DCAF1: variants seen among roughly 807,000 people sequenced by gnomAD.
DCAF1 encodes the protein DDB1- and CUL4-associated factor 1.
A neutral mutation model predicts 128.0 loss-of-function variants in DCAF1; 15 were observed. The ratio of observed to expected loss-of-function variants is 0.12; its 90% CI spans 0.08 to 0.18. The LOEUF (loss-of-function observed/expected upper bound fraction) is 0.18. Ranked by LOEUF, DCAF1 falls within the 10% of genes least tolerant of loss-of-function variation. The pLI, the probability that DCAF1 is intolerant of heterozygous loss-of-function variation, is 1.00. For synonymous variants in DCAF1, 610 were observed against 603.0 expected (o/e 1.01, Z -0.17); for missense variants, 988 against 1,649.5 (o/e 0.60, Z 6.95).
In DCAF1 at chr3:51,430,403, C is replaced by T. The variant is rs573940838; in HGVS notation, c.1288-191G>A. Among the ~76,000 whole-genome samples, 36 of 152,248 alleles carry T rather than the reference C, an allele frequency of 2.4e-4. No individual in the cohort carries two copies. The South Asian group carries it at 5.8e-3, about 25-fold the overall frequency. On this transcript the variant is annotated intron_variant, in intron 10 of 24. Coordinates refer to ENST00000684031, the MANE Select transcript of DCAF1 (RefSeq NM_001387579.1). ...ACACGATCCATTCCAAACCTGAAAA[C>T]GACCTAAATTTAGATAAATATTTAA...
Position 51,420,182 on chromosome 3 carries a change from G to A in DCAF1, c.2788C>T (p.His930Tyr), listed in dbSNP as rs782092765. The A allele has an allele frequency of 3.7e-6, 6 of 1,613,918 alleles. No homozygotes were observed. Among genetic ancestry groups the A allele is most frequent in the African/African-American group, 1.3e-5 (1 of 74,940 alleles). ...CCCTGGGGGGGCCGTGGCTGAGGAT[G>A]AGCAGTAGGGGCAGAAGGCGCAGAG... is the stretch of plus-strand genomic sequence containing the variant. ...GASAPSAPTAHPQPRPPQGPL... is the reference protein window; with the variant it reads ...GASAPSAPTAYPQPRPPQGPL... Residue 930 changes from histidine (H) to tyrosine (Y), a missense_variant, in exon 15 of 25, where the codon CAT becomes TAT. His to Tyr is a moderately conservative substitution (Grantham distance 83). This residue lies in a region of DCAF1 where 88 missense variants were observed against 107.7 expected (regional missense o/e 0.82). Coordinates refer to ENST00000684031, the MANE Select transcript of DCAF1 (RefSeq NM_001387579.1). This position sits in a 1 kb window ranked among gnomAD's most constrained non-coding sequence, Gnocchi z 6.5.
intron 6 of DCAF1, among the ~76,000 whole-genome samples, chr3:51,450,768 CACCACGCCTGGTCAAGG>C (rs1702263479): frequency 6.6e-6 from 1 of 152,128 alleles, no homozygotes; most frequent in South Asian, 2.1e-4. Context: ...AGGCGTGAGC[CACCACGCCTGGTCAAGG>C]TGTCCACTTT....
chr3:51,418,235 T>A, intron 16 of DCAF1, 37 bp from the exon 17 acceptor site: 3 of 1,583,426 alleles, frequency 1.9e-6, no homozygotes, highest in Non-Finnish European at 2.6e-6. Context: ...AACCACGTAT[T>A]TACATACATG....
intron 9 of DCAF1, among the ~76,000 whole-genome samples, chr3:51,434,626 G>C (rs1426872407): frequency 1.1e-4 from 16 of 152,270 alleles, no homozygotes; most frequent in African/African-American, 3.6e-4. Context: ...ATCAACTAAT[G>C]AATTCCCAAA....
chr3:51,448,120 C>T (rs1406133405), intron 6 of DCAF1, among the ~76,000 whole-genome samples: 2 of 152,082 alleles, frequency 1.3e-5, no homozygotes, highest in Non-Finnish European at 2.9e-5. Context: ...ACTGTACTTC[C>T]TGAATCTGAA....
At chr3:51,436,902 C>T (rs1489454517) in intron 9 of DCAF1, among the ~76,000 whole-genome samples, 1 of 152,106 alleles carries the variant, frequency 6.6e-6, no homozygotes, top group Admixed American at 6.6e-5. Flanking sequence ...GCTATTTTCA[C>T]AATTTTCAGT....
intron 19 of DCAF1, 120 bp downstream of exon 19, chr3:51,414,504 G>A: frequency 7.2e-7 from 1 of 1,382,632 alleles, no homozygotes; most frequent in Non-Finnish European, 9.6e-7. Context: ...CAAAGGACAG[G>A]CACCATATTA....
intron 3 of DCAF1, among the ~76,000 whole-genome samples, chr3:51,480,117 A>AAAAAAG (rs1705984617): frequency 6.6e-6 from 1 of 151,124 alleles, no homozygotes; most frequent in Non-Finnish European, 1.5e-5. Context: ...AAAAAAAAAA[A>AAAAAAG]AAAAAAAATT....
chr3:51,441,145 A>G (rs1701323286), intron 8 of DCAF1, 74 bp from the exon 9 acceptor site: 1 of 1,381,986 alleles, frequency 7.2e-7, no homozygotes, highest in Non-Finnish European at 1.0e-6. Context: ...CTCTTTGAGG[A>G]TAGAAGCCTA....
At chr3:51,450,333 T>C (rs1047060878) in intron 6 of DCAF1, among the ~76,000 whole-genome samples, 2 of 152,148 alleles carry the variant, frequency 1.3e-5, no homozygotes, top group African/African-American at 2.4e-5. Flanking sequence ...TATAGACCAA[T>C]ATATCACTCA....
chr3:51,399,124 C>G (rs1553624150), intron 24 of DCAF1, among the ~76,000 whole-genome samples: 1 of 152,234 alleles, frequency 6.6e-6, no homozygotes, highest in South Asian at 2.1e-4. Flanking sequence ...AGCTTCCCCC[C>G]ATGCCACTTT....
chr3:51,457,423 A>C (rs1446849495), intron 6 of DCAF1, among the ~76,000 whole-genome samples: 5 of 152,224 alleles, frequency 3.3e-5, no homozygotes, highest in African/African-American at 1.2e-4. Context: ...TGAAAACACC[A>C]AATCTACGTC....
At chr3:51,446,196 T>C (rs1553640182) in intron 6 of DCAF1, among the ~76,000 whole-genome samples, 1 of 152,064 alleles carries the variant, frequency 6.6e-6, no homozygotes, top group African/African-American at 2.4e-5. Flanking sequence ...GGTTTCACCA[T>C]GTTGGCCAAG....
intron 2 of DCAF1, among the ~76,000 whole-genome samples, chr3:51,485,699 A>G (rs1367643159): frequency 6.6e-6 from 1 of 152,230 alleles, no homozygotes; most frequent in Non-Finnish European, 1.5e-5. Context: ...CAAAAGAAAT[A>G]CATGTAAAAG....
chr3:51,432,975 C>T (rs1700521557), intron 10 of DCAF1, 131 bp downstream of exon 10: 4 of 395,142 alleles, frequency 1.0e-5, no homozygotes, highest in Non-Finnish European at 1.8e-5. Context: ...TTTCATGTTC[C>T]TTGTTTCATT....
At chr3:51,399,871 T>C (rs914677401) in intron 24 of DCAF1, among the ~76,000 whole-genome samples, 1 of 151,978 alleles carries the variant, frequency 6.6e-6, no homozygotes, top group Non-Finnish European at 1.5e-5. Context: ...CCCCATGTGG[T>C]AAGGGGCAGC....
chr3:51,496,250 C>T (rs1219042210), intron 2 of DCAF1, among the ~76,000 whole-genome samples: 9 of 152,060 alleles, frequency 5.9e-5, no homozygotes, highest in African/African-American at 1.9e-4. Context: ...ATGGTGAAAC[C>T]GCATCTCTAC....
At chr3:51,418,260 T>G in intron 16 of DCAF1, 62 bp from the exon 17 acceptor site, 1 of 1,532,236 alleles carries the variant, frequency 6.5e-7, no homozygotes, top group Non-Finnish European at 8.8e-7. Flanking sequence ...TGTCACTACC[T>G]GCCATTAGCA....
chr3:51,492,553 A>G (rs1231436157), intron 2 of DCAF1, among the ~76,000 whole-genome samples: 1 of 152,116 alleles, frequency 6.6e-6, no homozygotes, highest in Non-Finnish European at 1.5e-5. Flanking sequence ...CATGAAAGAT[A>G]CTCAACATCA....
Sources: allele counts gnomAD v4.1 joint callset (sites outside exome capture counted in the v4.1 genomes callset), GRCh38; gene constraint gnomAD v4.1.1; regional missense constraint gnomAD v4.1.1; non-coding constraint Gnocchi (gnomAD v3.1); transcripts MANE v1.5; gene names NCBI Gene and HGNC (gene_info 2026-07-23, HGNC 2026-07-21).